TMEM245: variants seen among roughly 807,000 people sequenced by gnomAD.
TMEM245 encodes protein CG-2.
Under a neutral mutation model 101.2 loss-of-function variants are expected in TMEM245, and 69 were observed. The ratio of observed to expected loss-of-function variants is 0.68; its 90% CI spans 0.56 to 0.83. TMEM245 has a LOEUF of 0.83. TMEM245 is among the 40% of genes least tolerant of loss of function. TMEM245 has a pLI of 0.00. For synonymous variants in TMEM245, 537 were observed against 449.8 expected (o/e 1.19, Z -2.45); for missense variants, 1,075 against 1,092.8 (o/e 0.98, Z 0.23).
At position 109,119,930 on chromosome 9, in the gene TMEM245, C is replaced by A; in HGVS notation, c.-17G>T. 1 of 1,289,668 alleles carries A rather than the reference C, an allele frequency of 7.8e-7. No homozygotes were observed. 79.9% of individuals were successfully genotyped at this position (1,289,668 alleles called of 1,614,324 possible). ...GTCGGCCATCGTTCCTCCGCCACAG[C>A]CGCCCCCGAGGGGCGGTAATGGGAG... On this transcript the variant is annotated 5_prime_UTR_variant, in exon 1 of 18. Coordinates refer to ENST00000374586, the MANE Select transcript of TMEM245 (RefSeq NM_032012.4).
At chr9:109,032,365 CTTTTTTTTTTTTTTTTTTTTTTT>C (rs755399182) in intron 17 of TMEM245, among the ~76,000 whole-genome samples, 28 of 40,982 alleles carry the variant, frequency 6.8e-4, no homozygotes, top group Admixed American at 3.0e-3. Context: ...ATTTCTTTTC[CTTTTTTTTTTTTTTTTTTTTTTT>C]TTTTTTTTTT....
rs961524641 is a variant in TMEM245 at position 109,032,819 on chromosome 9, T to G, written c.2594+488A>C. On this transcript the variant is annotated intron_variant, in intron 17 of 17. Coordinates refer to ENST00000374586, the MANE Select transcript of TMEM245 (RefSeq NM_032012.4). Reference sequence around the variant, plus strand: ...ACCCAATATAGGTCTTTTTTTTTTTTTTTTTTTTATATGCTGTTGCCCAGG... The same window carrying G: ...ACCCAATATAGGTCTTTTTTTTTTTGTTTTTTTTATATGCTGTTGCCCAGG... Among the ~76,000 whole-genome samples, 75 of 149,372 alleles carry G rather than the reference T, an allele frequency of 5.0e-4. 1 individual carries two copies. The highest frequency in any genetic ancestry group is 1.7e-3 in the African/African-American group (70 of 40,790).
intron 5 of TMEM245, among the ~76,000 whole-genome samples, chr9:109,087,653 T>G (rs1293893699): frequency 1.3e-5 from 2 of 152,206 alleles, no homozygotes; most frequent in East Asian, 3.8e-4. Flanking sequence ...TTTCAGTGAC[T>G]ACAATTCTGG....
In TMEM245 at chr9:109,108,438, A is replaced by G. The variant is rs79021973; in HGVS notation, c.697+15T>C. On this transcript the variant is annotated intron_variant, in intron 2 of 17. Coordinates refer to ENST00000374586, the MANE Select transcript of TMEM245 (RefSeq NM_032012.4). Reference sequence around the variant, plus strand: ...CTAGACTTAAAAAAAAAAAAAAAAAAAAGAAGGAACCCACCTAAATGAAAA... The same window carrying G: ...CTAGACTTAAAAAAAAAAAAAAAAAGAAGAAGGAACCCACCTAAATGAAAA... 8.3e-6 allele frequency: 12 copies of G among 1,454,064 alleles called. 1 individual carries two copies. The East Asian group carries it at 1.4e-4, about 17-fold the overall frequency. 90.1% of individuals were successfully genotyped at this position (1,454,064 alleles called of 1,614,324 possible). A position where few individuals can be genotyped will look rare whatever the true frequency, so the allele number is the denominator to read the frequency against.
intron 15 of TMEM245, 92 bp downstream of exon 15, chr9:109,037,925 A>C (rs1828183324): frequency 9.3e-7 from 1 of 1,078,616 alleles, no homozygotes; most frequent in Non-Finnish European, 1.3e-6. Flanking sequence ...TTAGTTTTTT[A>C]AACTTGAGGA....
intron 9 of TMEM245, among the ~76,000 whole-genome samples, chr9:109,071,946 C>T (rs1295391943): frequency 6.6e-6 from 1 of 152,188 alleles, no homozygotes; most frequent in Non-Finnish European, 1.5e-5. Flanking sequence ...ATTTTAGGCT[C>T]TGCAGAACAT....
At chr9:109,051,708 C>T (rs911224126) in intron 12 of TMEM245, among the ~76,000 whole-genome samples, 2 of 152,144 alleles carry the variant, frequency 1.3e-5, no homozygotes, top group Non-Finnish European at 2.9e-5. Flanking sequence ...GTGACACAGG[C>T]CATGACTTTA....
chr9:109,034,619 A>C (rs7046801), intron 16 of TMEM245, among the ~76,000 whole-genome samples: 5,916 of 152,012 alleles, frequency 0.039, 281 homozygotes, highest in African/African-American at 0.11. Flanking sequence ...ACTAATCTTT[A>C]TATTTTTGTG....
intron 5 of TMEM245, among the ~76,000 whole-genome samples, chr9:109,090,396 T>G (rs1051553549): frequency 2.0e-5 from 3 of 152,116 alleles, no homozygotes; most frequent in African/African-American, 7.2e-5. Flanking sequence ...CTACATGAAA[T>G]TGTAAGAAGC....
Position 109,033,332 on chromosome 9 carries a change from T to A in TMEM245, c.2569A>T (p.Thr857Ser), listed in dbSNP as rs780273406. Residue 857 changes from threonine (T) to serine (S), a missense_variant, in exon 17 of 18, where the codon ACC becomes TCC. Transcript: ENST00000374586. ...CGCTGAGGCTGAGCAGGCCATGGGG[T>A]CTGGTTTGGCGTGGGAACTGAATTC... ...PTNSVPTPNQ[T>S]PWPAQPQRTF... The A allele has an allele frequency of 4.7e-5, 75 of 1,611,984 alleles. 1 individual carries two copies. In the South Asian group the frequency reaches 8.2e-4, roughly 18 times the overall value.
chr9:109,075,430 A>C (rs980119129), intron 8 of TMEM245, among the ~76,000 whole-genome samples: 1 of 152,052 alleles, frequency 6.6e-6, no homozygotes, highest in Non-Finnish European at 1.5e-5. Flanking sequence ...ACTGTGTAGA[A>C]CAGGCAGTAT....
At chr9:109,090,818 T>C (rs1829979257) in intron 5 of TMEM245, 104 bp downstream of exon 5, 1 of 1,025,590 alleles carries the variant, frequency 9.8e-7, no homozygotes, top group Non-Finnish European at 1.4e-6. Flanking sequence ...TTGTTTTACT[T>C]TGCAAGACGG....
intron 14 of TMEM245, among the ~76,000 whole-genome samples, chr9:109,042,908 C>T (rs72760319): frequency 0.13 from 18,360 of 137,772 alleles, 1,516 homozygotes; most frequent in Middle Eastern, 0.24. Context: ...TGCAGTGGTG[C>T]AATCCTGGCT....
At chr9:109,037,867 A>G (rs1197498898) in intron 15 of TMEM245, 150 bp downstream of exon 15, 3 of 547,718 alleles carry the variant, frequency 5.5e-6, no homozygotes, top group South Asian at 2.7e-5. Context: ...ATTACAAATC[A>G]TATTTCTGTT....
chr9:109,100,498 T>A (rs1031888045), intron 3 of TMEM245, among the ~76,000 whole-genome samples: 2 of 152,006 alleles, frequency 1.3e-5, no homozygotes, highest in Non-Finnish European at 2.9e-5. Context: ...TAATTTTTAT[T>A]TTATTTTATT....
chr9:109,038,254 T>C (rs1828197949), intron 14 of TMEM245, 137 bp from the exon 15 acceptor site: 2 of 535,206 alleles, frequency 3.7e-6, no homozygotes, highest in African/African-American at 1.9e-5. Flanking sequence ...TATTTTCATT[T>C]TATTTCAAAG....
chr9:109,075,690 A>G (rs1439002479), intron 8 of TMEM245, among the ~76,000 whole-genome samples: 1 of 152,132 alleles, frequency 6.6e-6, no homozygotes, highest in Admixed American at 6.5e-5. Flanking sequence ...ATATGCAGAG[A>G]TGTTTCCTCT....
intron 4 of TMEM245, among the ~76,000 whole-genome samples, 199 bp downstream of exon 4, chr9:109,093,276 A>G (rs1830056318): frequency 6.6e-6 from 1 of 152,234 alleles, no homozygotes; most frequent in African/African-American, 2.4e-5. Context: ...TCAAGAAGTT[A>G]CATAATTACA....
chr9:109,072,496 C>G (rs1829364639), intron 9 of TMEM245, among the ~76,000 whole-genome samples: 1 of 152,188 alleles, frequency 6.6e-6, no homozygotes, highest in Non-Finnish European at 1.5e-5. Flanking sequence ...AGCTCAGCGC[C>G]TTTTGCAGCC....
Sources: gnomAD v4.1 joint callset for allele counts (sites outside exome capture counted in the v4.1 genomes callset) on GRCh38, gnomAD v4.1.1 for gene constraint, MANE v1.5 for transcripts, NCBI Gene and HGNC (gene_info 2026-07-23, HGNC 2026-07-21) for gene names.